Variants in MSTO1 observed in about 807,000 individuals in gnomAD.
MSTO1 encodes misato mitochondrial distribution and morphology regulator 1.
A neutral mutation model predicts 55.7 loss-of-function variants in MSTO1; 24 were observed. That is an observed-to-expected ratio of 0.43 (90% CI 0.31 to 0.61). The LOEUF is 0.61. Ranked by LOEUF, MSTO1 falls within the 20% of genes least tolerant of loss-of-function variation. The pLI, the probability that MSTO1 is intolerant of heterozygous loss-of-function variation, is 0.09. For synonymous variants in MSTO1, 162 were observed against 252.8 expected (o/e 0.64, Z 3.41); for missense variants, 363 against 625.7 (o/e 0.58, Z 4.48).
chr1:155,563,439 G>C, the MSTO1 span: 11 of 456,618 alleles, frequency 2.4e-5, no homozygotes, highest in African/African-American at 4.0e-5. Context: ...CCTCCGGGGG[G>C]ATTCCTCCCG....
chr1:155,600,924 C>T, the MSTO1 span, among the ~76,000 whole-genome samples: 4 of 151,192 alleles, frequency 2.6e-5, no homozygotes, highest in Non-Finnish European at 5.9e-5. Flanking sequence ...GATGCGACCG[C>T]CTTGGCCTCC....
chr1:155,605,627 C>T (rs1234053790), upstream of MSTO1, among the ~76,000 whole-genome samples: 1 of 152,078 alleles, frequency 6.6e-6, no homozygotes, highest in East Asian at 1.9e-4. Flanking sequence ...CATAGACCTC[C>T]TCTCTACAAA....
the MSTO1 span, among the ~76,000 whole-genome samples, chr1:155,581,045 C>CA: frequency 1.1e-4 from 17 of 151,806 alleles, no homozygotes; most frequent in South Asian, 1.5e-3. Flanking sequence ...ATTACAAATA[C>CA]AAAAAAATGT....
chr1:155,575,796 T>TTTTATTTA, the MSTO1 span, among the ~76,000 whole-genome samples: 976 of 144,702 alleles, frequency 6.7e-3, 12 homozygotes, highest in African/African-American at 0.019. Flanking sequence ...CTTATTTTAT[T>TTTTATTTA]TTTATTTATT....
At chr1:155,587,926 G>T in the MSTO1 span, among the ~76,000 whole-genome samples, 1 of 150,802 alleles carries the variant, frequency 6.6e-6, no homozygotes, top group Non-Finnish European at 1.5e-5. Flanking sequence ...TAGTTGCCAG[G>T]TGGGCGCGGT....
At chr1:155,566,515 G>A in the MSTO1 span, among the ~76,000 whole-genome samples, 1 of 152,112 alleles carries the variant, frequency 6.6e-6, no homozygotes, top group African/African-American at 2.4e-5. Flanking sequence ...ATGTCCAGGA[G>A]TTTGAGGCTA....
At chr1:155,591,227 G>C in the MSTO1 span, 1 of 1,610,972 alleles carries the variant, frequency 6.2e-7, no homozygotes, top group Non-Finnish European at 8.5e-7. Context: ...GCAGTGTCAG[G>C]ACGACTCCCA....
chr1:155,596,513 A>G, the MSTO1 span, among the ~76,000 whole-genome samples: 5 of 152,230 alleles, frequency 3.3e-5, no homozygotes, highest in African/African-American at 1.2e-4. Context: ...GGCTGGGCAC[A>G]GTAGCTTATG....
the MSTO1 span, among the ~76,000 whole-genome samples, chr1:155,572,458 T>G: frequency 6.6e-6 from 1 of 152,116 alleles, no homozygotes; most frequent in Non-Finnish European, 1.5e-5. Flanking sequence ...CTCACGCCTG[T>G]AATCCCAGCA....
At chr1:155,575,853 C>T in the MSTO1 span, among the ~76,000 whole-genome samples, 4 of 149,678 alleles carry the variant, frequency 2.7e-5, no homozygotes, top group South Asian at 2.1e-4. Flanking sequence ...AGACAGAGTT[C>T]GCTCTGTTGC....
At chr1:155,584,611 C>T in the MSTO1 span, among the ~76,000 whole-genome samples, 1 of 122,434 alleles carries the variant, frequency 8.2e-6, no homozygotes, top group Non-Finnish European at 1.6e-5. Flanking sequence ...TTCAAGGCTG[C>T]AGTGAGCTGT....
chr1:155,611,529 A>G lies in MSTO1; in HGVS notation c.367-20A>G. ...CTAAACTGCCTGGAACTAAATGTCG[A>G]TTTTTCTGACCCCTCCCAGGGAGTG... On this transcript the variant is annotated intron_variant, in intron 4 of 13. Transcript: ENST00000245564. The G allele has an allele frequency of 1.2e-6, 2 of 1,612,512 alleles. No individual in the cohort carries two copies. Among genetic ancestry groups the G allele is most frequent in the Non-Finnish European group, 1.7e-6 (2 of 1,179,510 alleles).
chr1:155,573,990 A>G, the MSTO1 span, among the ~76,000 whole-genome samples: 1 of 152,146 alleles, frequency 6.6e-6, no homozygotes, highest in African/African-American at 2.4e-5. Context: ...AGGGTGGGTA[A>G]TATGTTGGTG....
At chr1:155,604,626 A>G in the MSTO1 span, among the ~76,000 whole-genome samples, 3 of 152,358 alleles carry the variant, frequency 2.0e-5, no homozygotes, top group East Asian at 5.8e-4. Flanking sequence ...CTGTAATCCC[A>G]GCACTTTGGG....
At chr1:155,593,750 C>T in the MSTO1 span, among the ~76,000 whole-genome samples, 2 of 151,932 alleles carry the variant, frequency 1.3e-5, no homozygotes, top group Non-Finnish European at 2.9e-5. Flanking sequence ...GGTCAGATCA[C>T]GAGGTCAGGA....
the MSTO1 span, among the ~76,000 whole-genome samples, chr1:155,576,368 C>T: frequency 6.6e-6 from 1 of 151,968 alleles, no homozygotes; most frequent in Admixed American, 6.6e-5. Flanking sequence ...GTCTCTGTCA[C>T]CAGGCTGGAC....
the MSTO1 span, among the ~76,000 whole-genome samples, chr1:155,588,680 A>G: frequency 1.3e-5 from 2 of 152,190 alleles, no homozygotes; most frequent in South Asian, 2.1e-4. Context: ...CAGTAGAATC[A>G]TGAAAAAATG....
At chr1:155,565,727 T>G in the MSTO1 span, among the ~76,000 whole-genome samples, 1 of 152,212 alleles carries the variant, frequency 6.6e-6, no homozygotes, top group Admixed American at 6.5e-5. Context: ...GATCAATGAA[T>G]TATCAGCTAC....
rs1387701508 is a variant in MSTO1, at chr1:155,613,118, C to T, written c.1168C>T (p.Gln390Ter). 4 of 1,613,724 alleles carry T rather than the reference C, an allele frequency of 2.5e-6. No homozygotes were observed. Among genetic ancestry groups the T allele is most frequent in the Non-Finnish European group, 3.4e-6 (4 of 1,179,902 alleles). ...PGQSLPDSLM[Q>*]FGGATPWTPL... ...CCAGTCCCTTCCTGATTCCCTGATG[C>T]AGTTTGGAGGAGCCACCCCATGGAC... Residue 390 changes from glutamine to a stop codon, truncating the protein, a stop_gained, in exon 11 of 14, where the codon CAG becomes TAG. Coordinates refer to ENST00000245564, the MANE Select transcript of MSTO1 (RefSeq NM_018116.4). LOFTEE classifies it high-confidence loss of function.
Sources: gnomAD v4.1 joint callset for allele counts (sites outside exome capture counted in the v4.1 genomes callset) on GRCh38, gnomAD v4.1.1 for gene constraint, MANE v1.5 for transcripts, NCBI Gene and HGNC (gene_info 2026-07-23, HGNC 2026-07-21) for gene names.